FRZB: variants seen among roughly 807,000 people sequenced by gnomAD.
FRZB encodes the protein frizzled related protein.
FRZB carries 34 observed loss-of-function variants against 32.5 expected under a neutral mutation model. The ratio of observed to expected loss-of-function variants is 1.05; its 90% CI spans 0.80 to 1.39. FRZB has a LOEUF of 1.39. FRZB is among the 40% of genes most tolerant of loss of function. The probability of loss-of-function intolerance (pLI) is 0.00; values close to 1 mark genes in which losing one functional copy is unlikely to be tolerated. For synonymous variants in FRZB, 170 were observed against 159.2 expected, an observed-to-expected ratio of 1.07 and a Z score of -0.51; for missense variants, 423 against 424.8, an observed-to-expected ratio of 1.00 and a Z score of 0.04.
chr2:182,863,694 C>T (rs1375572896), intron 1 of FRZB, among the ~76,000 whole-genome samples: 2 of 152,170 alleles, frequency 1.3e-5, no homozygotes, highest in East Asian at 1.9e-4. Context: ...AGAAAAAAAC[C>T]TTGCTTTGTG....
chr2:182,866,530 C>T lies in FRZB; in HGVS notation c.23G>A (p.Gly8Glu). 2 of 1,470,734 alleles carry T rather than the reference C, an allele frequency of 1.4e-6. No homozygotes were observed. The highest frequency in any genetic ancestry group is 1.8e-6 in the Non-Finnish European group (2 of 1,112,962). 91.1% of individuals were successfully genotyped at this position (1,470,734 alleles called of 1,614,324 possible). Residue 8 changes from glycine (G) to glutamate (E), a missense_variant, in exon 1 of 6, where the codon GGG (glycine) becomes GAG (glutamate). By Grantham distance (98) the Gly-to-Glu change is moderately conservative (BLOSUM62 -2). Transcript: ENST00000295113. The surrounding 1 kb of genome is among the most constrained non-coding windows in gnomAD (Gnocchi z 4.5). MVCGSPG[G>E]MLLLRAGLLA... ...CAGCCCGGCCCGCAGCAGCAGCATC[C>T]CTCCCGGGCTGCCGCAGACCATGAT... is the stretch of plus-strand genomic sequence containing the variant.
intron 2 of FRZB, among the ~76,000 whole-genome samples, chr2:182,845,889 TGA>T (rs1695633960): frequency 2.0e-5 from 3 of 152,212 alleles, no homozygotes; most frequent in African/African-American, 7.2e-5. Flanking sequence ...CATAGAAACA[TGA>T]GTTTATCACC....
At chr2:182,851,995 T>C (rs888746243) in intron 2 of FRZB, among the ~76,000 whole-genome samples, 23 of 152,150 alleles carry the variant, frequency 1.5e-4, no homozygotes, top group South Asian at 2.1e-4. Flanking sequence ...AAAGTATCAG[T>C]TGTTGCAAAG....
intron 5 of FRZB, among the ~76,000 whole-genome samples, chr2:182,835,684 C>T (rs924447484): frequency 6.6e-6 from 1 of 152,046 alleles, no homozygotes; most frequent in Non-Finnish European, 1.5e-5. Context: ...TACAGCTGTA[C>T]TTCCCAAACT....
intron 2 of FRZB, among the ~76,000 whole-genome samples, chr2:182,846,791 C>T (rs1303436461): frequency 1.3e-5 from 2 of 152,208 alleles, no homozygotes; most frequent in East Asian, 1.9e-4. Flanking sequence ...ATATTTCCAA[C>T]TGCCTGTACG....
chr2:182,843,605 A>G (rs1306229370), intron 2 of FRZB, among the ~76,000 whole-genome samples: 1 of 152,166 alleles, frequency 6.6e-6, no homozygotes, highest in Admixed American at 6.6e-5. Flanking sequence ...AAGGACATCA[A>G]CAAAAAAAGT....
At position 182,866,345 on chromosome 2, in the gene FRZB, C is replaced by A; in HGVS notation, c.208G>T (p.Glu70Ter). ...STQANAILAI[E>*]QFEGLLGTHC... ...GTGCCCAGCAGACCTTCGAACTGCT[C>A]GATGGCCAGGATGGCGTTGGCCTGA... Residue 70 changes from glutamate to a stop codon, truncating the protein, a stop_gained, in exon 1 of 6, where the codon GAG becomes TAG. Transcript: ENST00000295113. LOFTEE classifies it high-confidence loss of function. The surrounding 1 kb of genome is among the most constrained non-coding windows in gnomAD (Gnocchi z 4.5). The A allele has an allele frequency of 6.2e-7, 1 of 1,614,122 alleles. No individual in the cohort carries two copies. Among genetic ancestry groups the A allele is most frequent in the South Asian group, 1.1e-5 (1 of 91,088 alleles).
chr2:182,858,867 A>AT, intron 1 of FRZB, 34 bp from the exon 2 acceptor site: 5 of 1,531,202 alleles, frequency 3.3e-6, no homozygotes, highest in Non-Finnish European at 4.5e-6. Context: ...GAACTATAAC[A>AT]TATCTATTTC....
chr2:182,838,468 A>C lies in FRZB; in HGVS notation c.738T>G (p.Pro246=). 6.2e-7 allele frequency: 1 copy of C among 1,612,956 alleles called. No individual in the cohort carries two copies. The highest frequency in any genetic ancestry group is 8.5e-7 in the Non-Finnish European group (1 of 1,179,238). ...NLYTSSGCLC[P]PLNVNEEYII... is the part of the protein sequence containing the mutation. ...TATATTCCTCATTAACATTAAGTGGAGGGCAGAGGCAGCCAGAGCTGGTAT... is the reference window on the plus strand; with the variant it reads ...TATATTCCTCATTAACATTAAGTGGCGGGCAGAGGCAGCCAGAGCTGGTAT... The change falls in exon 4 of 6, where the codon CCT becomes CCG. Residue 246 remains proline, a synonymous_variant. Coordinates refer to ENST00000295113, the MANE Select transcript of FRZB (RefSeq NM_001463.4).
At chr2:182,835,404 G>A (rs947113190) in intron 5 of FRZB, among the ~76,000 whole-genome samples, 7 of 151,776 alleles carry the variant, frequency 4.6e-5, no homozygotes, top group Non-Finnish European at 8.8e-5. Context: ...TAAAGTCTAT[G>A]TGATTTGAGC....
chr2:182,854,810 TCA>T (rs1424539612), intron 2 of FRZB, among the ~76,000 whole-genome samples: 1 of 152,104 alleles, frequency 6.6e-6, no homozygotes, highest in African/African-American at 2.4e-5. Flanking sequence ...AAGAAGCAAA[TCA>T]CAGAGTAGGA....
chr2:182,842,974 A>G (rs576482224), intron 2 of FRZB, among the ~76,000 whole-genome samples: 23 of 152,296 alleles, frequency 1.5e-4, no homozygotes, highest in African/African-American at 5.5e-4. Context: ...TTAACAGATG[A>G]CACAGTACTC....
chr2:182,858,257 C>A (rs1229305512), intron 2 of FRZB, among the ~76,000 whole-genome samples: 1 of 152,186 alleles, frequency 6.6e-6, no homozygotes, highest in African/African-American at 2.4e-5. Context: ...CCCAAACTTC[C>A]TTGAAGGAGT....
chr2:182,866,000 A>G (rs1392977361), intron 1 of FRZB, 75 bp downstream of exon 1: 1 of 1,165,274 alleles, frequency 8.6e-7, no homozygotes, highest in Admixed American at 2.1e-5. Context: ...ATTAGAGAGT[A>G]AAGGCTAGTA....
At chr2:182,865,196 A>C (rs1185050110) in intron 1 of FRZB, among the ~76,000 whole-genome samples, 1 of 152,150 alleles carries the variant, frequency 6.6e-6, no homozygotes, top group South Asian at 2.1e-4. Context: ...TATTAAAGAC[A>C]ATTTTTTTTT....
chr2:182,854,857 A>G (rs1695751174), intron 2 of FRZB, among the ~76,000 whole-genome samples: 1 of 152,234 alleles, frequency 6.6e-6, no homozygotes, highest in Admixed American at 6.5e-5. Flanking sequence ...AAACGGGGGA[A>G]TTCCAAGGAA....
rs140059056 is a variant in FRZB at position 182,864,805 on chromosome 2, A to G, written c.478+1270T>C. 5.2e-3 allele frequency among the ~76,000 whole-genome samples: 795 copies of G among 152,330 alleles called. 15 individuals are homozygous for G. The highest frequency in any genetic ancestry group is 0.018 in the African/African-American group (750 of 41,562). The stretch of plus-strand genomic sequence containing the variant: ...GACTGCGCAAGTTGAAAGAGGAAGG[A>G]AAGTTGATGCCCAAGAAATAAACAG... On this transcript the variant is annotated intron_variant, in intron 1 of 5. Coordinates refer to ENST00000295113, the MANE Select transcript of FRZB (RefSeq NM_001463.4).
chr2:182,845,233 A>G (rs1695627246), intron 2 of FRZB, among the ~76,000 whole-genome samples: 1 of 152,234 alleles, frequency 6.6e-6, no homozygotes, highest in Non-Finnish European at 1.5e-5. Context: ...ATTGTGAAGA[A>G]TCAGAGAGAG....
intron 5 of FRZB, among the ~76,000 whole-genome samples, chr2:182,837,003 C>T (rs1695532588): frequency 6.6e-6 from 1 of 151,908 alleles, no homozygotes; most frequent in Non-Finnish European, 1.5e-5. Flanking sequence ...GTTTAACTTA[C>T]CATGTAAATG....
Sources: gnomAD v4.1 joint callset for allele counts (sites outside exome capture counted in the v4.1 genomes callset) on GRCh38, gnomAD v4.1.1 for gene constraint, Gnocchi (gnomAD v3.1) non-coding constraint, MANE v1.5 for transcripts, NCBI Gene and HGNC (gene_info 2026-07-23, HGNC 2026-07-21) for gene names.